The following MYO19 variants were observed in gnomAD, a reference collection of about 807,000 sequenced individuals.
MYO19 encodes the protein myosin XIX.
In MYO19, 132 loss-of-function variants were observed where a neutral mutation model predicts 129.2. That is an observed-to-expected ratio of 1.02 (90% CI 0.89 to 1.18). The LOEUF is 1.18. Ranked by LOEUF, MYO19 falls within the 50% of genes most tolerant of loss-of-function variation. The probability of loss-of-function intolerance (pLI) is 0.00; values close to 1 mark genes in which losing one functional copy is unlikely to be tolerated. For synonymous variants in MYO19, 531 were observed against 477.2 expected (o/e 1.11, Z -1.47); for missense variants, 1,210 against 1,216.7 (o/e 0.99, Z 0.08).
intron 5 of MYO19, among the ~76,000 whole-genome samples, chr17:36,526,570 G>A (rs2073478322): frequency 3.3e-5 from 5 of 152,228 alleles, no homozygotes; most frequent in Middle Eastern, 3.4e-3. Flanking sequence ...AATCCTTATC[G>A]TGTATAATTT....
At chr17:36,500,794 C>G in intron 23 of MYO19, 36 bp downstream of exon 23, 1 of 1,579,830 alleles carries the variant, frequency 6.3e-7, no homozygotes, top group Non-Finnish European at 8.6e-7. Context: ...CCTGTGGGGT[C>G]TGTGAGCAGT....
upstream of MYO19, among the ~76,000 whole-genome samples, chr17:36,544,275 G>A (rs1057122183): frequency 6.6e-6 from 1 of 152,206 alleles, no homozygotes; most frequent in African/African-American, 2.4e-5. Flanking sequence ...CAAGCTATCA[G>A]CACTTCACTA....
intron 24 of MYO19, 152 bp downstream of exon 24, chr17:36,498,923 A>C: frequency 1.6e-6 from 1 of 637,488 alleles, no homozygotes. Context: ...TACTGTGCCC[A>C]CTGCATACAT....
intron 25 of MYO19, chr17:36,497,589 C>CT (rs746721426): frequency 0.11 from 87,150 of 764,136 alleles, no homozygotes; most frequent in Non-Finnish European, 0.13. Flanking sequence ...CTAAACCAAA[C>CT]TTTTTTTTTT....
chr17:36,538,547 C>T, upstream of MYO19: 1 of 1,613,736 alleles, frequency 6.2e-7, no homozygotes, highest in East Asian at 2.2e-5. Flanking sequence ...TGGTCAATCT[C>T]TATATGTTTT....
Position 36,528,025 on chromosome 17 carries a change from T to A in MYO19, c.151+39A>T, listed in dbSNP as rs766364804. 2.5e-6 allele frequency: 4 copies of A among 1,596,448 alleles called. No homozygotes were observed. The East Asian group carries it at 6.8e-5, about 27-fold the overall frequency. On this transcript the variant is annotated intron_variant, in intron 4 of 25. Coordinates refer to ENST00000614623, the MANE Select transcript of MYO19 (RefSeq NM_001163735.2). ...GACTACTCTCATTACACCTCCAACC[T>A]CCTGGAGATGATACTCCTGAGGAAT...
At chr17:36,542,020 T>C (rs1356731384) in intron 2 of MYO19, 1 of 152,190 alleles carries the variant, frequency 6.6e-6, no homozygotes, top group African/African-American at 2.4e-5. Context: ...GGTATTAGAT[T>C]AGATTAGATT....
chr17:36,514,541 G>C lies in MYO19; in HGVS notation c.625C>G (p.Gln209Glu). 1.2e-6 allele frequency: 2 copies of C among 1,609,004 alleles called. No individual in the cohort carries two copies. The highest frequency in any genetic ancestry group is 1.7e-6 in the Non-Finnish European group (2 of 1,175,422). ...FIQLQLNRAQQMTGAAVQTYL... is the reference protein window; with the variant it reads ...FIQLQLNRAQEMTGAAVQTYL... Reference sequence around the variant, plus strand: ...GTCTGGACTGCGGCTCCAGTCATTTGCTGAGCCCTGGGACACACACAGGCC... The same window carrying C: ...GTCTGGACTGCGGCTCCAGTCATTTCCTGAGCCCTGGGACACACACAGGCC... Residue 209 changes from glutamine to glutamate, a missense_variant, in exon 9 of 26, where the codon CAA (glutamine) becomes GAA (glutamate). Transcript: ENST00000614623.
chr17:36,533,485 A>G (rs2073949696), intron 2 of MYO19: 1 of 152,220 alleles, frequency 6.6e-6, no homozygotes, highest in African/African-American at 2.4e-5. Context: ...CACCACCCCT[A>G]GCAAGGAGAG....
intron 19 of MYO19, 186 bp from the exon 20 acceptor site, chr17:36,504,206 A>C: frequency 2.0e-6 from 1 of 512,148 alleles, no homozygotes. Flanking sequence ...CAAATCTCCC[A>C]CTAGAAAGGG....
intron 2 of MYO19, chr17:36,533,222 T>A (rs1012442073): frequency 1.3e-5 from 2 of 152,712 alleles, no homozygotes; most frequent in African/African-American, 4.8e-5. Context: ...AATGAGGTCA[T>A]GGTTTGACAG....
intron 3 of MYO19, among the ~76,000 whole-genome samples, chr17:36,529,557 G>C (rs1004678040): frequency 1.3e-5 from 2 of 152,142 alleles, no homozygotes; most frequent in African/African-American, 4.8e-5. Flanking sequence ...TTTCCTCCAA[G>C]AGGCCCAGTA....
intron 19 of MYO19, 181 bp from the exon 20 acceptor site, chr17:36,504,201 C>G (rs1293525265): frequency 1.7e-5 from 9 of 524,374 alleles, no homozygotes; most frequent in Non-Finnish European, 3.0e-5. Flanking sequence ...GAAAACAAAT[C>G]TCCCACTAGA....
upstream of MYO19, among the ~76,000 whole-genome samples, chr17:36,536,697 T>G (rs1196083721): frequency 6.6e-6 from 1 of 151,964 alleles, no homozygotes; most frequent in Non-Finnish European, 1.5e-5. Context: ...GTATTTTTAG[T>G]AGAGACGGGC....
At position 36,529,544 on chromosome 17, in the gene MYO19, A is replaced by G. The variant is rs73276797; in HGVS notation, c.13-1342T>C. Among the ~76,000 whole-genome samples the G allele has an allele frequency of 4.5e-3, 686 of 152,312 alleles. 9 individuals carry two copies. The highest frequency in any genetic ancestry group is 0.016 in the African/African-American group (672 of 41,570). Reference sequence around the variant, plus strand: ...TCTCATAGAAATAAGCCATGGTGGCAAATTTCCTCCAAGAGGCCCAGTAAT... The same window carrying G: ...TCTCATAGAAATAAGCCATGGTGGCGAATTTCCTCCAAGAGGCCCAGTAAT... On this transcript the variant is annotated intron_variant, in intron 3 of 25. Coordinates refer to ENST00000614623, the MANE Select transcript of MYO19 (RefSeq NM_001163735.2).
At chr17:36,543,961 G>A (rs1044722070), upstream of MYO19, among the ~76,000 whole-genome samples, 14 of 152,312 alleles carry the variant, frequency 9.2e-5, no homozygotes, top group Middle Eastern at 3.4e-3. Context: ...ACAGCTCCAG[G>A]AAATAGAGCA....
chr17:36,531,852 G>C (rs1428956266), intron 3 of MYO19, among the ~76,000 whole-genome samples: 1 of 152,172 alleles, frequency 6.6e-6, no homozygotes, highest in African/African-American at 2.4e-5. Context: ...ATCTGCCTCA[G>C]CCCAGTGCCT....
At chr17:36,527,948 G>T in intron 4 of MYO19, 116 bp downstream of exon 4, 1 of 1,407,532 alleles carries the variant, frequency 7.1e-7, no homozygotes, top group Non-Finnish European at 9.6e-7. Flanking sequence ...AGCCCACCTG[G>T]CTCCAGATCA....
At chr17:36,511,529 C>T (rs2072327399) in intron 11 of MYO19, 74 bp from the exon 12 acceptor site, 2 of 1,342,710 alleles carry the variant, frequency 1.5e-6, no homozygotes, top group African/African-American at 2.9e-5. Flanking sequence ...GGCCGTTCTG[C>T]TGAGTACAAT....
Sources: allele counts gnomAD v4.1 joint callset (sites outside exome capture counted in the v4.1 genomes callset), GRCh38; gene constraint gnomAD v4.1.1; transcripts MANE v1.5; gene names NCBI Gene and HGNC (gene_info 2026-07-23, HGNC 2026-07-21).